SPRY3: variants seen among roughly 807,000 people sequenced by gnomAD.
SPRY3 encodes sprouty RTK signaling antagonist 3.
Under a neutral mutation model 20.2 loss-of-function variants are expected in SPRY3, and 15 were observed. The ratio of observed to expected loss-of-function variants is 0.74; its 90% CI spans 0.50 to 1.14. The LOEUF is 1.14. SPRY3 is among the 50% of genes most tolerant of loss of function. The pLI is 0.00. For missense variants in SPRY3, 364 were observed against 363.9 expected (o/e 1.00, Z 0.00); for synonymous variants, 143 against 136.5 (o/e 1.05, Z -0.33).
intron 2 of SPRY3, among the ~76,000 whole-genome samples, chrX:155,749,914 G>A (rs953904059): frequency 3.3e-5 from 5 of 151,698 alleles, no homozygotes; most frequent in African/African-American, 7.3e-5. Context: ...AGGAGGGATC[G>A]AGTCTATAGA....
chrX:155,636,568 T>G (rs782604435), intron 1 of SPRY3, among the ~76,000 whole-genome samples: 543 of 30,064 alleles, frequency 0.018, 3 homozygotes, highest in African/African-American at 0.028. Flanking sequence ...TAGGTAGGTA[T>G]GTATGTATGT....
intron 2 of SPRY3, among the ~76,000 whole-genome samples, chrX:155,757,724 T>C (rs780881148): frequency 6.6e-6 from 1 of 152,146 alleles, no homozygotes; most frequent in Admixed American, 6.5e-5. Context: ...GGAGGCAAGG[T>C]TTAGGAGTAT....
rs911236929 is a variant in SPRY3, at chrX:155,768,806, C to G, written c.-107+670C>G. 3.4e-4 allele frequency among the ~76,000 whole-genome samples: 52 copies of G among 152,298 alleles called. 1 individual carries two copies. Among genetic ancestry groups the G allele is most frequent in the Non-Finnish European group, 6.0e-4 (41 of 68,034 alleles). ...TTAGCCAATAGGCATTTGATAAGAC[C>G]TAGGGCAATGGTTTACTGCACACTC... On this transcript the variant is annotated intron_variant, in intron 3 of 3. Transcript: ENST00000675360.
chrX:155,648,753 A>G (rs2067966415), intron 1 of SPRY3, among the ~76,000 whole-genome samples: 1 of 111,447 alleles, frequency 9.0e-6, no homozygotes. Context: ...GCTTTAGAAG[A>G]TAAGAAGTAA....
At chrX:155,726,265 C>T (rs1190872516) in intron 2 of SPRY3, among the ~76,000 whole-genome samples, 10 of 151,980 alleles carry the variant, frequency 6.6e-5, no homozygotes, top group Non-Finnish European at 1.3e-4. Flanking sequence ...AGAATAACTG[C>T]GATGTGGTGC....
Position 155,735,376 on chromosome X carries a change from T to C in SPRY3, c.-281-32586T>C, listed in dbSNP as rs1377226083. ...CAGTGCTTTCAGTCCAATTATATCC[T>C]GATTTTCTGCCTGCTGAATCTGTTG... On this transcript the variant is annotated intron_variant, in intron 2 of 3. Coordinates refer to ENST00000675360, the Ensembl canonical transcript of SPRY3. Among the ~76,000 whole-genome samples, 4 of 152,086 alleles carry C rather than the reference T, an allele frequency of 2.6e-5. No homozygotes were observed. In the East Asian group the frequency reaches 7.7e-4, roughly 29 times the overall value.
chrX:155,704,412 G>C (rs1023871007), intron 2 of SPRY3, among the ~76,000 whole-genome samples: 1 of 151,634 alleles, frequency 6.6e-6, no homozygotes, highest in South Asian at 2.1e-4. Flanking sequence ...CACCTCTGAG[G>C]ACAAAATCCA....
At chrX:155,712,153 A>T (rs1287577170) in intron 2 of SPRY3, among the ~76,000 whole-genome samples, 1 of 151,892 alleles carries the variant, frequency 6.6e-6, no homozygotes, top group Non-Finnish European at 1.5e-5. Flanking sequence ...TGAGGAGAAA[A>T]ATGTGCATCC....
intron 2 of SPRY3, among the ~76,000 whole-genome samples, chrX:155,767,544 C>A (rs745838855): frequency 2.6e-3 from 338 of 130,898 alleles, no homozygotes; most frequent in African/African-American, 8.2e-3. Context: ...GAGGCGGAGG[C>A]GGAGGCGAAA....
At chrX:155,636,230 G>T (rs1367592994) in intron 1 of SPRY3, among the ~76,000 whole-genome samples, 1 of 111,881 alleles carries the variant, frequency 8.9e-6, no homozygotes, top group African/African-American at 3.3e-5. Flanking sequence ...TGGAGTGATT[G>T]ATCCAGATCT....
intron 2 of SPRY3, among the ~76,000 whole-genome samples, chrX:155,724,676 G>C (rs1394407592): frequency 6.6e-6 from 1 of 152,212 alleles, no homozygotes; most frequent in Non-Finnish European, 1.5e-5. Flanking sequence ...TTTGTATCCT[G>C]AGACTTTGCC....
chrX:155,779,512 G>A (rs1379040213), downstream of SPRY3: 1 of 166,888 alleles, frequency 6.0e-6, no homozygotes, highest in Admixed American at 6.6e-5. Context: ...TCAATTAAAG[G>A]AGTAACAAAC....
chrX:155,758,843 A>G (rs1256151218), intron 2 of SPRY3, among the ~76,000 whole-genome samples: 1 of 152,150 alleles, frequency 6.6e-6, no homozygotes, highest in Non-Finnish European at 1.5e-5. Flanking sequence ...CTTTATGTCT[A>G]ATCTATTTCC....
chrX:155,724,803 C>A (rs1017560386), intron 2 of SPRY3, among the ~76,000 whole-genome samples: 22 of 152,068 alleles, frequency 1.4e-4, no homozygotes, highest in African/African-American at 4.8e-4. Flanking sequence ...AATTGAATAC[C>A]ATTTATTTCT....
In SPRY3 at chrX:155,717,795, C is replaced by T. The variant is rs188735323; in HGVS notation, c.-281-50167C>T. 3.3e-5 allele frequency among the ~76,000 whole-genome samples: 5 copies of T among 152,158 alleles called. No individual in the cohort carries two copies. In the East Asian group the frequency reaches 9.7e-4, roughly 29 times the overall value. On this transcript the variant is annotated intron_variant, in intron 2 of 3. Transcript: ENST00000675360. Reference sequence around the variant, plus strand: ...TTATAAGTGCCACATTTTCTTTATCCAGTCTATCATTGATGGGCATTTGGG... The same window carrying T: ...TTATAAGTGCCACATTTTCTTTATCTAGTCTATCATTGATGGGCATTTGGG...
At chrX:155,619,292 CT>C (rs111836813) in intron 1 of SPRY3, among the ~76,000 whole-genome samples, 2 of 108,555 alleles carry the variant, frequency 1.8e-5, no homozygotes. Flanking sequence ...GCTATCCTTA[CT>C]TTTTTTTTAA....
chrX:155,724,549 T>G (rs2091084638), intron 2 of SPRY3, among the ~76,000 whole-genome samples: 1 of 152,186 alleles, frequency 6.6e-6, no homozygotes, highest in African/African-American at 2.4e-5. Flanking sequence ...TAGTTGGATT[T>G]TATTCTCTTT....
chrX:155,631,733 AT>A (rs1326755882), intron 1 of SPRY3, among the ~76,000 whole-genome samples: 1 of 110,811 alleles, frequency 9.0e-6, no homozygotes, highest in Admixed American at 9.6e-5. Flanking sequence ...TGCATTTTTT[AT>A]TTTATTAATT....
chrX:155,724,043 T>C (rs1183515205), intron 2 of SPRY3, among the ~76,000 whole-genome samples: 1 of 152,200 alleles, frequency 6.6e-6, no homozygotes, highest in African/African-American at 2.4e-5. Flanking sequence ...AGATAGGGAT[T>C]CCTTTCCCCA....
Sources: allele counts gnomAD v4.1 joint callset (sites outside exome capture counted in the v4.1 genomes callset), GRCh38; gene constraint gnomAD v4.1.1; transcripts MANE v1.5; gene names NCBI Gene and HGNC (gene_info 2026-07-23, HGNC 2026-07-21).